Variants in ARPP21 observed in about 807,000 individuals in gnomAD.
The protein encoded by ARPP21 is cAMP-regulated phosphoprotein 21.
In ARPP21, 69 loss-of-function variants were observed where a neutral mutation model predicts 113.2. That is an observed-to-expected ratio of 0.61 (90% CI 0.50 to 0.74). The LOEUF is 0.74. Among genes scored for constraint, ARPP21 ranks in the 30% least tolerant of loss-of-function variants. The pLI is 0.00. For synonymous variants in ARPP21, 368 were observed against 375.5 expected, an observed-to-expected ratio of 0.98 and a Z score of 0.23; for missense variants, 1,070 against 1,037.4, an observed-to-expected ratio of 1.03 and a Z score of -0.43.
intron 18 of ARPP21, among the ~76,000 whole-genome samples, chr3:35,740,686 G>GA (rs2094599093): frequency 6.6e-6 from 1 of 152,086 alleles, no homozygotes; most frequent in African/African-American, 2.4e-5. Context: ...TAATTATTGG[G>GA]AAAAATAATT....
chr3:35,777,809 T>C (rs1016410948), intron 19 of ARPP21, among the ~76,000 whole-genome samples: 2 of 152,188 alleles, frequency 1.3e-5, no homozygotes, highest in Non-Finnish European at 2.9e-5. Flanking sequence ...CTGCTTGAGA[T>C]GAATCATAAT....
chr3:35,680,674 A>C (rs1429110524), intron 2 of ARPP21, among the ~76,000 whole-genome samples: 1 of 151,754 alleles, frequency 6.6e-6, no homozygotes, highest in Non-Finnish European at 1.5e-5. Context: ...ATTTTTTTGA[A>C]AAGAACTAAC....
At position 35,769,603 on chromosome 3, in the gene ARPP21, C is replaced by A. The variant is rs181813847; in HGVS notation, c.2138-22779C>A. Among the ~76,000 whole-genome samples, 3 of 152,276 alleles carry A rather than the reference C, an allele frequency of 2.0e-5. No individual in the cohort carries two copies. The East Asian group carries it at 5.8e-4, about 29-fold the overall frequency. The stretch of plus-strand genomic sequence containing the variant: ...CGCTATCTTTTGTTGCTGAGATACC[C>A]TGTGGCTCCTCTGCTTTACTGCCTC... On this transcript the variant is annotated intron_variant, in intron 19 of 20. Coordinates refer to ENST00000684406, the MANE Select transcript of ARPP21 (RefSeq NM_001385562.1).
chr3:35,760,265 A>T (rs1167710794), intron 19 of ARPP21, among the ~76,000 whole-genome samples: 9 of 152,014 alleles, frequency 5.9e-5, no homozygotes, highest in Admixed American at 5.9e-4. Context: ...GATCCCAGGG[A>T]GCTGTCTTCC....
intron 19 of ARPP21, among the ~76,000 whole-genome samples, chr3:35,764,738 A>G (rs1346433933): frequency 6.6e-6 from 1 of 152,172 alleles, no homozygotes; most frequent in Non-Finnish European, 1.5e-5. Flanking sequence ...CTGTTTGCAT[A>G]TATGTATACA....
intron 19 of ARPP21, among the ~76,000 whole-genome samples, chr3:35,782,260 A>G (rs535439430): frequency 1.3e-5 from 2 of 152,274 alleles, no homozygotes; most frequent in African/African-American, 4.8e-5. Context: ...CGATCCTGTC[A>G]ATTAATTTAG....
chr3:35,765,213 A>AT lies in ARPP21; in HGVS notation c.2137+21248_2137+21249insT, dbSNP rs775075783. On this transcript the variant is annotated intron_variant, in intron 19 of 20. Transcript: ENST00000684406. ...TTGTTACCTTAAATATCCTGAGCTT[A>AT]CCCTTCTTTTTCAAGGTTTACATCT... Among the ~76,000 whole-genome samples, 186 of 152,170 alleles carry AT rather than the reference A, an allele frequency of 1.2e-3. 1 individual carries two copies. The highest frequency in any genetic ancestry group is 3.7e-3 in the African/African-American group (153 of 41,536).
At chr3:35,776,401 C>T (rs1210526957) in intron 19 of ARPP21, among the ~76,000 whole-genome samples, 2 of 152,110 alleles carry the variant, frequency 1.3e-5, no homozygotes, top group African/African-American at 4.8e-5. Context: ...AAGACAAGCC[C>T]TTCATGACAG....
intron 1 of ARPP21, among the ~76,000 whole-genome samples, chr3:35,670,919 G>A (rs2076191438): frequency 6.6e-6 from 1 of 152,114 alleles, no homozygotes; most frequent in African/African-American, 2.4e-5. Context: ...TTAGAGTCTA[G>A]TGCTGGCATT....
chr3:35,788,438 T>C (rs2151865733), intron 19 of ARPP21, among the ~76,000 whole-genome samples: 1 of 152,326 alleles, frequency 6.6e-6, no homozygotes, highest in South Asian at 2.1e-4. Context: ...ATTACTTCCC[T>C]TAATAGACAC....
At position 35,657,779 on chromosome 3, in the gene ARPP21, A is replaced by C. The variant is rs1035426265; in HGVS notation, c.-213+17381A>C. ...GCCTCTGGTCTGCTTCATTCCTCAA[A>C]GTAATCTCCAAGCCCGAATCCTAGC... On this transcript the variant is annotated intron_variant, in intron 1 of 20. Transcript: ENST00000684406. Among the ~76,000 whole-genome samples, 3 of 152,086 alleles carry C rather than the reference A, an allele frequency of 2.0e-5. No individual in the cohort carries two copies. The South Asian group carries it at 6.2e-4, about 31-fold the overall frequency.
At chr3:35,790,439 T>A (rs1179614792) in intron 19 of ARPP21, among the ~76,000 whole-genome samples, 3 of 152,208 alleles carry the variant, frequency 2.0e-5, no homozygotes, top group Admixed American at 6.5e-5. Flanking sequence ...CACAGAATTT[T>A]TCAGGGCAAT....
intron 18 of ARPP21, among the ~76,000 whole-genome samples, chr3:35,743,092 G>A (rs1007208090): frequency 6.6e-6 from 1 of 152,078 alleles, no homozygotes; most frequent in Non-Finnish European, 1.5e-5. Flanking sequence ...TTTTTGAATA[G>A]TGGTGTGTAC....
chr3:35,738,873 C>A (rs1220371394), intron 17 of ARPP21, among the ~76,000 whole-genome samples: 3 of 152,134 alleles, frequency 2.0e-5, no homozygotes, highest in African/African-American at 7.2e-5. Context: ...TGATACTGGT[C>A]CTGGCTCCAT....
In ARPP21 at chr3:35,729,442, C is replaced by T. The variant is rs766984462; in HGVS notation, c.1365C>T (p.Gly455=). 6 of 1,614,140 alleles carry T rather than the reference C, an allele frequency of 3.7e-6. No homozygotes were observed. Among genetic ancestry groups the T allele is most frequent in the South Asian group, 3.3e-5 (3 of 91,084 alleles). ...CTTATCCAGAGAATGGAATAGGGGGCCAGGTTGCTCCCAGCAGCACCAGCT... is the reference window on the plus strand; with the variant it reads ...CTTATCCAGAGAATGGAATAGGGGGTCAGGTTGCTCCCAGCAGCACCAGCT... ...CVPYPENGIG[G]QVAPSSTSYI... is the part of the protein sequence containing the mutation. The change falls in exon 15 of 21, where the codon GGC becomes GGT. Residue 455 remains glycine (G), a synonymous_variant. Coordinates refer to ENST00000684406, the MANE Select transcript of ARPP21 (RefSeq NM_001385562.1).
chr3:35,641,603 A>G (rs1698106798), intron 1 of ARPP21: 1 of 152,196 alleles, frequency 6.6e-6, no homozygotes, highest in South Asian at 2.1e-4. Flanking sequence ...TAGCCGAGTA[A>G]TCTACTATCT....
intron 1 of ARPP21, chr3:35,642,244 C>A (rs1392336213): frequency 6.6e-6 from 1 of 152,116 alleles, no homozygotes; most frequent in African/African-American, 2.4e-5. Flanking sequence ...ACCTTGAGAA[C>A]TGTGGTATTA....
Position 35,690,078 on chromosome 3 carries a change from C to T in ARPP21, c.486-3C>T. 1 of 1,308,474 alleles carries T rather than the reference C, an allele frequency of 7.6e-7. No individual in the cohort carries two copies. Among genetic ancestry groups the T allele is most frequent in the Non-Finnish European group, 1.1e-6 (1 of 903,768 alleles). 81.1% of individuals were successfully genotyped at this position (1,308,474 alleles called of 1,614,324 possible). ...CCTTTTAAATTTAACATTTATTTTGCAGGGACAGGATGATACTTTTGAAAA... is the reference window on the plus strand; with the variant it reads ...CCTTTTAAATTTAACATTTATTTTGTAGGGACAGGATGATACTTTTGAAAA... On this transcript the variant is annotated splice_region_variant and splice_polypyrimidine_tract_variant and intron_variant, in intron 7 of 20. Transcript: ENST00000684406.
intron 19 of ARPP21, among the ~76,000 whole-genome samples, chr3:35,783,144 A>C (rs985249997): frequency 6.6e-6 from 1 of 151,974 alleles, no homozygotes; most frequent in African/African-American, 2.4e-5. Flanking sequence ...TTATTTTCTC[A>C]GCCCAGTATT....
Sources: gnomAD v4.1 joint callset for allele counts (sites outside exome capture counted in the v4.1 genomes callset) on GRCh38, gnomAD v4.1.1 for gene constraint, MANE v1.5 for transcripts, NCBI Gene and HGNC (gene_info 2026-07-23, HGNC 2026-07-21) for gene names.